The following TRPC6 variants were observed in gnomAD, a reference collection of about 807,000 sequenced individuals.
TRPC6 encodes short transient receptor potential channel 6.
A neutral mutation model predicts 90.7 loss-of-function variants in TRPC6; 55 were observed. That is an observed-to-expected ratio of 0.61 (90% confidence interval 0.49 to 0.76). The LOEUF is 0.76. Ranked by LOEUF, TRPC6 falls within the 30% of genes least tolerant of loss-of-function variation. TRPC6 has a pLI of 0.00. For missense variants in TRPC6, 989 were observed against 1,122.7 expected (o/e 0.88, Z 1.70); for synonymous variants, 393 against 393.0 (o/e 1.00, Z 0.00).
At chr11:101,537,492 A>G (rs188136138) in intron 1 of TRPC6, among the ~76,000 whole-genome samples, 2 of 152,256 alleles carry the variant, frequency 1.3e-5, no homozygotes, top group Admixed American at 1.3e-4. Flanking sequence ...TCTGAATTCT[A>G]TAAGTAACTA....
At chr11:101,505,207 A>C (rs1591095250) in intron 1 of TRPC6, among the ~76,000 whole-genome samples, 1 of 152,342 alleles carries the variant, frequency 6.6e-6, no homozygotes, top group East Asian at 1.9e-4. Context: ...AATCCACTCA[A>C]GTTAACAAAT....
At position 101,583,724 on chromosome 11, in the gene TRPC6, C is replaced by A; in HGVS notation, c.-221G>T. On this transcript the variant is annotated 5_prime_UTR_variant, in exon 1 of 13. Coordinates refer to ENST00000344327, the MANE Select transcript of TRPC6 (RefSeq NM_004621.6). ...CCACTTAAGGGGGTGCAAAGAGGAT[C>A]TTGACCTGAGCAGGTCAGGCCGAGG... 1 of 472,462 alleles carries A rather than the reference C, an allele frequency of 2.1e-6. No homozygotes were observed. Among genetic ancestry groups the A allele is most frequent in the Non-Finnish European group, 3.6e-6 (1 of 277,096 alleles). 29.3% of individuals were successfully genotyped at this position (472,462 alleles called of 1,614,324 possible).
chr11:101,567,602 C>T (rs1351607772), intron 1 of TRPC6, among the ~76,000 whole-genome samples: 1 of 152,182 alleles, frequency 6.6e-6, no homozygotes, highest in Non-Finnish European at 1.5e-5. Context: ...CAACAGACAC[C>T]TCAAACAGGA....
At chr11:101,571,002 A>G (rs188123642) in intron 1 of TRPC6, among the ~76,000 whole-genome samples, 80 of 152,302 alleles carry the variant, frequency 5.3e-4, no homozygotes, top group African/African-American at 1.5e-3. Context: ...TCAACATAGT[A>G]TTGGAAGTTC....
intron 2 of TRPC6, among the ~76,000 whole-genome samples, chr11:101,495,441 A>G (rs1190252532): frequency 6.6e-6 from 1 of 151,990 alleles, no homozygotes; most frequent in Non-Finnish European, 1.5e-5. Flanking sequence ...TAGCTATGTG[A>G]CTTTAGATAA....
At chr11:101,562,889 G>T (rs1861745156) in intron 1 of TRPC6, among the ~76,000 whole-genome samples, 1 of 152,080 alleles carries the variant, frequency 6.6e-6, no homozygotes, top group South Asian at 2.1e-4. Flanking sequence ...AAAATAATAG[G>T]CCTACTTCAT....
chr11:101,466,061 G>A (rs948533813), intron 10 of TRPC6, among the ~76,000 whole-genome samples: 2 of 152,102 alleles, frequency 1.3e-5, no homozygotes, highest in African/African-American at 4.8e-5. Flanking sequence ...TCTGCTGGAG[G>A]TCCACTCCAG....
intron 1 of TRPC6, among the ~76,000 whole-genome samples, chr11:101,538,734 A>C (rs549646863): frequency 2.0e-5 from 3 of 152,322 alleles, no homozygotes; most frequent in African/African-American, 7.2e-5. Context: ...AAACATGATA[A>C]AAACTGGACC....
At chr11:101,570,755 A>T (rs1591146674) in intron 1 of TRPC6, among the ~76,000 whole-genome samples, 1 of 152,164 alleles carries the variant, frequency 6.6e-6, no homozygotes, top group Non-Finnish European at 1.5e-5. Flanking sequence ...CACATAAATA[A>T]AACCAATGAC....
In TRPC6 at chr11:101,503,200, G is replaced by A. The variant is rs201128607; in HGVS notation, c.945+824C>T. ...GGATGCAAGCTTTCATCCTCTCCAC[G>A]TGGAGCACAGCCCTTATGGTTAATG... is the stretch of plus-strand genomic sequence containing the variant. On this transcript the variant is annotated intron_variant, in intron 2 of 12. Coordinates refer to ENST00000344327, the MANE Select transcript of TRPC6 (RefSeq NM_004621.6). Among the ~76,000 whole-genome samples the A allele has an allele frequency of 7.2e-5, 11 of 152,270 alleles. No individual in the cohort carries two copies. In the East Asian group the frequency reaches 1.2e-3, roughly 16 times the overall value.
rs891868712 is a variant in TRPC6 at position 101,583,486 on chromosome 11, C to T, written c.18G>A (p.Ala6=). The T allele has an allele frequency of 2.5e-5, 37 of 1,506,036 alleles. No individual in the cohort carries two copies. Among genetic ancestry groups the T allele is most frequent in the Non-Finnish European group, 3.3e-5 (37 of 1,125,982 alleles). The allele number at this position is 1,506,036 out of a possible 1,614,324, so 93.3% of individuals were successfully genotyped here. The part of the protein sequence containing the change: MSQSP[A]FGPRRGSSPR... ...GAGAACTGCCCCTCCGGGGCCCGAA[C>T]GCCGGGCTCTGGCTCATGGCGGGAA... The change falls in exon 1 of 13, where the codon GCG becomes GCA. Residue 6 remains alanine, a synonymous_variant. Coordinates refer to ENST00000344327, the MANE Select transcript of TRPC6 (RefSeq NM_004621.6).
intron 1 of TRPC6, among the ~76,000 whole-genome samples, chr11:101,576,675 T>G (rs1240345984): frequency 6.6e-6 from 1 of 152,192 alleles, no homozygotes; most frequent in Non-Finnish European, 1.5e-5. Context: ...TGGCATTTTT[T>G]ATGAAAGAGG....
intron 1 of TRPC6, among the ~76,000 whole-genome samples, chr11:101,554,681 G>A (rs1257740453): frequency 6.6e-6 from 1 of 151,970 alleles, no homozygotes; most frequent in Non-Finnish European, 1.5e-5. Context: ...CCCAAAAAGT[G>A]AGGAAAAAAT....
chr11:101,461,054 A>G (rs1471187505), intron 10 of TRPC6, among the ~76,000 whole-genome samples: 1 of 152,214 alleles, frequency 6.6e-6, no homozygotes, highest in African/African-American at 2.4e-5. Flanking sequence ...GGTAAGATAG[A>G]CTTAATTATA....
Position 101,583,362 on chromosome 11 carries a change from G to A in TRPC6, c.142C>T (p.Leu48=). Residue 48 remains leucine (L), a synonymous_variant, in exon 1 of 13, where the codon CTG becomes TTG. Coordinates refer to ENST00000344327, the MANE Select transcript of TRPC6 (RefSeq NM_004621.6). ...LGEDGCPQAP[L]PCYGYYPCFR... The stretch of plus-strand genomic sequence containing the variant: ...CAGGGGTAGTAGCCGTAGCAAGGCA[G>A]CGGGGCTTGCGGGCAGCCGTCTTCT... The A allele has an allele frequency of 1.9e-6, 3 of 1,594,134 alleles. No homozygotes were observed. Among genetic ancestry groups the A allele is most frequent in the Non-Finnish European group, 2.6e-6 (3 of 1,170,664 alleles).
intron 7 of TRPC6, among the ~76,000 whole-genome samples, 155 bp downstream of exon 7, chr11:101,473,350 GTCCC>G (rs1859338127): frequency 1.3e-5 from 2 of 152,120 alleles, no homozygotes; most frequent in South Asian, 4.1e-4. Flanking sequence ...ATATTTTAGA[GTCCC>G]TCCAACTCAT....
At chr11:101,513,396 A>C (rs1364118350) in intron 1 of TRPC6, among the ~76,000 whole-genome samples, 1 of 152,186 alleles carries the variant, frequency 6.6e-6, no homozygotes, top group Non-Finnish European at 1.5e-5. Flanking sequence ...CAATAATTTG[A>C]CTTTGCCATA....
chr11:101,513,067 G>T (rs1860434219), intron 1 of TRPC6, among the ~76,000 whole-genome samples: 2 of 152,212 alleles, frequency 1.3e-5, no homozygotes, highest in Non-Finnish European at 2.9e-5. Context: ...GGCATAATGA[G>T]GGAACAGTTA....
intron 2 of TRPC6, among the ~76,000 whole-genome samples, chr11:101,492,348 C>A (rs1451656020): frequency 6.6e-6 from 1 of 152,120 alleles, no homozygotes; most frequent in Non-Finnish European, 1.5e-5. Context: ...CTTTGGGAGG[C>A]TGAAGTTGGC....
Sources: allele counts gnomAD v4.1 joint callset (sites outside exome capture counted in the v4.1 genomes callset), GRCh38; gene constraint gnomAD v4.1.1; transcripts MANE v1.5; gene names NCBI Gene and HGNC (gene_info 2026-07-23, HGNC 2026-07-21).